The following EBF2 variants were observed in gnomAD, a reference collection of about 807,000 sequenced individuals.
The protein encoded by EBF2 is EBF transcription factor 2, also known as transcription factor COE2.
A neutral mutation model predicts 72.8 loss-of-function variants in EBF2; 21 were observed. That is an observed-to-expected ratio of 0.29 (90% CI 0.20 to 0.42). EBF2 has a LOEUF of 0.42. Among genes scored for constraint, EBF2 ranks in the 10% least tolerant of loss-of-function variants. The probability of loss-of-function intolerance (pLI) is 1.00; values close to 1 mark genes in which losing one functional copy is unlikely to be tolerated. For missense variants in EBF2, 637 were observed against 731.2 expected (o/e 0.87, Z 1.49); for synonymous variants, 299 against 274.2 (o/e 1.09, Z -0.89).
chr8:25,881,560 G>A (rs1194105410), intron 10 of EBF2, among the ~76,000 whole-genome samples: 1 of 152,214 alleles, frequency 6.6e-6, no homozygotes, highest in East Asian at 1.9e-4. Context: ...GAAGGGAAGG[G>A]CGTGGTACCT....
intron 5 of EBF2, among the ~76,000 whole-genome samples, chr8:26,039,108 A>G (rs1016647101): frequency 6.6e-6 from 1 of 152,218 alleles, no homozygotes; most frequent in African/African-American, 2.4e-5. Flanking sequence ...TCCTATTTAT[A>G]TCCTTTCTTG....
intron 6 of EBF2, among the ~76,000 whole-genome samples, chr8:25,982,938 C>A (rs1284753407): frequency 6.6e-6 from 1 of 151,136 alleles, no homozygotes; most frequent in African/African-American, 2.4e-5. Context: ...TTATAAATTT[C>A]TATGTATAAG....
intron 9 of EBF2, among the ~76,000 whole-genome samples, chr8:25,887,315 G>A (rs1429628690): frequency 6.6e-6 from 1 of 151,922 alleles, no homozygotes; most frequent in East Asian, 1.9e-4. Context: ...TTCAAATATT[G>A]ATCTGGCAAG....
At chr8:25,873,874 C>A (rs769651138) in intron 10 of EBF2, among the ~76,000 whole-genome samples, 11 of 152,126 alleles carry the variant, frequency 7.2e-5, no homozygotes, top group Non-Finnish European at 1.6e-4. Context: ...GTGTGCCAAT[C>A]CATTAAGGGG....
chr8:26,039,949 C>G lies in EBF2; in HGVS notation c.482+79G>C, dbSNP rs2117265361. The G allele has an allele frequency of 4.6e-6, 7 of 1,517,604 alleles. No homozygotes were observed. The East Asian group carries it at 1.6e-4, about 34-fold the overall frequency. 94.0% of individuals were successfully genotyped at this position (1,517,604 alleles called of 1,614,324 possible). ...CGAGCGCTCAGTCCTGAAAGTTAGT[C>G]CCGGGAACGCGGCGCGCCAAGGCGG... On this transcript the variant is annotated intron_variant, in intron 5 of 15. Coordinates refer to ENST00000520164, the MANE Select transcript of EBF2 (RefSeq NM_022659.4).
rs564849783 is a variant in EBF2, at chr8:25,881,848, C to G, written c.1009+4907G>C. 6.5e-3 allele frequency among the ~76,000 whole-genome samples: 986 copies of G among 152,272 alleles called. 17 individuals are homozygous for G. Among genetic ancestry groups the G allele is most frequent in the African/African-American group, 0.022 (914 of 41,550 alleles). Reference sequence around the variant, plus strand: ...GAACGCACCGACAGGCACCGGCGGGCCACTGACCGGCAGAACGACACAGAA... The same window carrying G: ...GAACGCACCGACAGGCACCGGCGGGGCACTGACCGGCAGAACGACACAGAA... On this transcript the variant is annotated intron_variant, in intron 10 of 15. Coordinates refer to ENST00000520164, the MANE Select transcript of EBF2 (RefSeq NM_022659.4).
chr8:25,852,997 C>T (rs897422428), intron 14 of EBF2, among the ~76,000 whole-genome samples: 4 of 152,016 alleles, frequency 2.6e-5, no homozygotes, highest in Admixed American at 1.3e-4. Flanking sequence ...CAGAAACAGA[C>T]CTGGGTATAG....
intron 7 of EBF2, among the ~76,000 whole-genome samples, chr8:25,891,365 G>A (rs1017221043): frequency 6.6e-6 from 1 of 151,816 alleles, no homozygotes; most frequent in African/African-American, 2.4e-5. Flanking sequence ...AGTTACGCAT[G>A]GCCATTATTA....
intron 7 of EBF2, among the ~76,000 whole-genome samples, chr8:25,901,021 G>A (rs1802942790): frequency 6.6e-6 from 1 of 152,108 alleles, no homozygotes; most frequent in African/African-American, 2.4e-5. Context: ...GATGATGGAT[G>A]ACTATGGATA....
intron 1 of EBF2, among the ~76,000 whole-genome samples, chr8:26,043,173 C>T (rs530434281): frequency 1.3e-5 from 2 of 152,356 alleles, no homozygotes; most frequent in African/African-American, 4.8e-5. Flanking sequence ...TCCCAGCCAA[C>T]CGGTCGCAGT....
chr8:25,918,110 G>A (rs1803254363), intron 6 of EBF2, among the ~76,000 whole-genome samples: 1 of 152,200 alleles, frequency 6.6e-6, no homozygotes, highest in Non-Finnish European at 1.5e-5. Flanking sequence ...AAGGCAGAAT[G>A]ACGCATCATG....
chr8:25,845,777 C>T lies in EBF2; in HGVS notation c.1697-1137G>A, dbSNP rs527923864. Among the ~76,000 whole-genome samples the T allele has an allele frequency of 9.2e-5, 14 of 152,330 alleles. No homozygotes were observed. The South Asian group carries it at 2.7e-3, about 29-fold the overall frequency. On this transcript the variant is annotated intron_variant, in intron 15 of 15. Transcript: ENST00000520164. ...TCTTAGAAAATGGCAGAATAGTTTC[C>T]ATGCATCAGAACCTTTAAAATCATA...
chr8:26,017,653 C>T (rs1805133234), intron 6 of EBF2, among the ~76,000 whole-genome samples: 1 of 152,146 alleles, frequency 6.6e-6, no homozygotes, highest in African/African-American at 2.4e-5. Flanking sequence ...ATCTCCTGTG[C>T]CAAAGGATGC....
chr8:25,855,261 T>C (rs4612353), intron 14 of EBF2, among the ~76,000 whole-genome samples: 1 of 152,170 alleles, frequency 6.6e-6, no homozygotes, highest in Admixed American at 6.5e-5. Context: ...AGTGCATTTT[T>C]TGGAGCTAAG....
chr8:25,882,930 A>G (rs181577995), intron 10 of EBF2, among the ~76,000 whole-genome samples: 1 of 152,368 alleles, frequency 6.6e-6, no homozygotes, highest in Non-Finnish European at 1.5e-5. Flanking sequence ...GTCTCAGCAC[A>G]TGAAGAAAAC....
At chr8:25,918,274 G>A (rs1214237705) in intron 6 of EBF2, among the ~76,000 whole-genome samples, 1 of 152,166 alleles carries the variant, frequency 6.6e-6, no homozygotes, top group Non-Finnish European at 1.5e-5. Flanking sequence ...ATATTCTTAT[G>A]ACAGATTCAT....
chr8:25,862,911 T>C (rs1323580622), intron 10 of EBF2, 114 bp from the exon 11 acceptor site: 6 of 569,630 alleles, frequency 1.1e-5, no homozygotes, highest in African/African-American at 1.9e-5. Flanking sequence ...ATGTAATCAG[T>C]TAGGGTTTTT....
intron 6 of EBF2, among the ~76,000 whole-genome samples, chr8:25,918,866 G>C (rs1803265996): frequency 6.6e-6 from 1 of 152,164 alleles, no homozygotes; most frequent in Non-Finnish European, 1.5e-5. Flanking sequence ...AGATCACAGA[G>C]GCGGGAAAGG....
At chr8:26,027,130 T>C (rs1328775070) in intron 6 of EBF2, among the ~76,000 whole-genome samples, 1 of 152,142 alleles carries the variant, frequency 6.6e-6, no homozygotes, top group African/African-American at 2.4e-5. Context: ...CTTGTAGATA[T>C]AAATCTCACC....
Sources: allele counts gnomAD v4.1 joint callset (sites outside exome capture counted in the v4.1 genomes callset), GRCh38; gene constraint gnomAD v4.1.1; transcripts MANE v1.5; gene names NCBI Gene and HGNC (gene_info 2026-07-23, HGNC 2026-07-21).